Variants in TNKS2 observed in about 807,000 individuals in gnomAD.
The protein encoded by TNKS2 is tankyrase 2.
TNKS2 carries 72 observed loss-of-function variants against 137.6 expected under a neutral mutation model. The observed-to-expected ratio is 0.52, with a 90% CI of 0.43 to 0.64. TNKS2 has a LOEUF of 0.64. TNKS2 is among the 30% of genes least tolerant of loss of function. The pLI is 0.00. For synonymous variants in TNKS2, 516 were observed against 512.1 expected (o/e 1.01, Z -0.10); for missense variants, 1,049 against 1,410.2 (o/e 0.74, Z 4.10).
chr10:91,862,183 A>G (rs1205913629), intron 26 of TNKS2, 28 bp downstream of exon 26: 1 of 1,544,928 alleles, frequency 6.5e-7, no homozygotes, highest in South Asian at 1.2e-5. Flanking sequence ...GTTCATCTTC[A>G]AAAATGCTAG....
intron 12 of TNKS2, 33 bp downstream of exon 12, chr10:91,834,057 A>T (rs747582562): frequency 2.0e-5 from 29 of 1,482,652 alleles, no homozygotes; most frequent in East Asian, 4.7e-5. Flanking sequence ...TGATTTTTTT[A>T]AATTAACCTT....
intron 1 of TNKS2, among the ~76,000 whole-genome samples, chr10:91,808,636 C>T (rs1844403835): frequency 1.3e-5 from 2 of 151,936 alleles, no homozygotes; most frequent in Non-Finnish European, 2.9e-5. Context: ...AAGTTGGAAA[C>T]GTGTTGAGTT....
chr10:91,814,203 C>A (rs1844598695), intron 2 of TNKS2, among the ~76,000 whole-genome samples: 1 of 152,006 alleles, frequency 6.6e-6, no homozygotes, highest in African/African-American at 2.4e-5. Flanking sequence ...TGATCTTGAG[C>A]CTATGTAGGC....
At chr10:91,812,918 G>C in intron 1 of TNKS2, 65 bp from the exon 2 acceptor site, 3 of 1,572,406 alleles carry the variant, frequency 1.9e-6, no homozygotes, top group Non-Finnish European at 2.6e-6. Context: ...AGTATGGATG[G>C]TACTTATCTA....
chr10:91,836,799 T>C, intron 12 of TNKS2, 120 bp from the exon 13 acceptor site: 2 of 1,428,770 alleles, frequency 1.4e-6, no homozygotes, highest in Non-Finnish European at 1.8e-6. Flanking sequence ...CATGGAGATC[T>C]CGTACATAAT....
intron 7 of TNKS2, among the ~76,000 whole-genome samples, chr10:91,822,919 A>G (rs1467160712): frequency 1.3e-5 from 2 of 151,316 alleles, no homozygotes; most frequent in African/African-American, 2.4e-5. Context: ...TCATCTTGTG[A>G]CGCATCATCT....
At chr10:91,851,397 T>C (rs1842534089) in intron 21 of TNKS2, 61 bp downstream of exon 21, 2 of 1,531,438 alleles carry the variant, frequency 1.3e-6, no homozygotes, top group South Asian at 2.4e-5. Flanking sequence ...CAACCCTCAG[T>C]GTACTAAGTT....
At position 91,835,127 on chromosome 10, in the gene TNKS2, G is replaced by T. The variant is rs149256058; in HGVS notation, c.1447+1103G>T. On this transcript the variant is annotated intron_variant, in intron 12 of 26. Transcript: ENST00000371627. ...GCATGTGTGAATTACAGAAGTAATA[G>T]ATTTTAATGCTAACTATAAAAGTCT... Among the ~76,000 whole-genome samples, 73 of 152,142 alleles carry T rather than the reference G, an allele frequency of 4.8e-4. 1 individual carries two copies. In the East Asian group the frequency reaches 0.013, roughly 27 times the overall value.
chr10:91,826,891 T>G (rs1845087184), intron 7 of TNKS2, 126 bp from the exon 8 acceptor site: 1 of 866,266 alleles, frequency 1.2e-6, no homozygotes, highest in Non-Finnish European at 1.6e-6. Flanking sequence ...TCTGAAATAA[T>G]TGGCTCAAAA....
chr10:91,824,238 G>T (rs1309078780), intron 7 of TNKS2, among the ~76,000 whole-genome samples: 1 of 152,188 alleles, frequency 6.6e-6, no homozygotes, highest in Non-Finnish European at 1.5e-5. Context: ...TCTGAGCAGT[G>T]CTGAGTCAAT....
chr10:91,825,459 T>C (rs7079479), intron 7 of TNKS2, among the ~76,000 whole-genome samples: 78,595 of 152,028 alleles, frequency 0.52, 20,763 homozygotes, highest in East Asian at 0.72. Flanking sequence ...AGGGCCACCA[T>C]GATAATAAGT....
chr10:91,798,467 T>G lies in TNKS2; in HGVS notation c.-224T>G. ...TCGTTTCAGGACCCGGACGGCGGAT[T>G]CGCGCTGCCTCCGCCGCCGCGGGGC... is the stretch of plus-strand genomic sequence containing the variant. On this transcript the variant is annotated 5_prime_UTR_variant, in exon 1 of 27. In the 5' UTR this introduces an upstream ATG that the reference lacks. Coordinates refer to ENST00000371627, the MANE Select transcript of TNKS2 (RefSeq NM_025235.4). The G allele has an allele frequency of 2.8e-6, 1 of 356,060 alleles. No homozygotes were observed. Among genetic ancestry groups the G allele is most frequent in the Non-Finnish European group, 4.7e-6 (1 of 213,516 alleles). The allele number at this position is 356,060 out of a possible 1,614,324, so 22.1% of individuals were successfully genotyped here. A position where few individuals can be genotyped will look rare whatever the true frequency, so the allele number is the denominator to read the frequency against.
chr10:91,838,613 A>G (rs552424174), intron 13 of TNKS2, among the ~76,000 whole-genome samples: 4 of 152,216 alleles, frequency 2.6e-5, no homozygotes, highest in Non-Finnish European at 5.9e-5. Context: ...ACGTGTTAAA[A>G]ATAGTCATTT....
chr10:91,824,054 C>T (rs1214080476), intron 7 of TNKS2, among the ~76,000 whole-genome samples: 1 of 152,130 alleles, frequency 6.6e-6, no homozygotes, highest in Non-Finnish European at 1.5e-5. Flanking sequence ...GACTTAAAGA[C>T]AACTGAGTGG....
At chr10:91,860,365 A>AT (rs961232188) in intron 25 of TNKS2, among the ~76,000 whole-genome samples, 1 of 152,236 alleles carries the variant, frequency 6.6e-6, no homozygotes, top group Non-Finnish European at 1.5e-5. Context: ...ATTAGCATGC[A>AT]TTAGAGTCAC....
intron 4 of TNKS2, 58 bp downstream of exon 4, chr10:91,819,364 T>C: frequency 7.4e-7 from 1 of 1,345,680 alleles, no homozygotes; most frequent in Non-Finnish European, 9.9e-7. Flanking sequence ...CTTTTTCTTT[T>C]TTTTTTTTTT....
chr10:91,811,129 C>A (rs920365558), intron 1 of TNKS2, among the ~76,000 whole-genome samples: 2 of 149,860 alleles, frequency 1.3e-5, no homozygotes, highest in Non-Finnish European at 3.0e-5. Context: ...TTTCACCATG[C>A]TGGCCAGGCT....
At chr10:91,826,693 A>C (rs1251148569) in intron 7 of TNKS2, among the ~76,000 whole-genome samples, 1 of 152,206 alleles carries the variant, frequency 6.6e-6, no homozygotes, top group Non-Finnish European at 1.5e-5. Flanking sequence ...GTCAGAATTC[A>C]TCAAAGTTGT....
intron 7 of TNKS2, among the ~76,000 whole-genome samples, chr10:91,825,124 G>A (rs966375020): frequency 1.3e-5 from 2 of 151,916 alleles, no homozygotes; most frequent in Non-Finnish European, 2.9e-5. Flanking sequence ...GTCGAGGGGA[G>A]AGGGTCTCAC....
Sources: gnomAD v4.1 joint callset for allele counts (sites outside exome capture counted in the v4.1 genomes callset) on GRCh38, gnomAD v4.1.1 for gene constraint, MANE v1.5 for transcripts, NCBI Gene and HGNC (gene_info 2026-07-23, HGNC 2026-07-21) for gene names.